Variants in SV2C observed in about 807,000 individuals in gnomAD.
SV2C encodes solute carrier family 22 member B3.
A neutral mutation model predicts 79.7 loss-of-function variants in SV2C; 49 were observed. That is an observed-to-expected ratio of 0.61 (90% CI 0.49 to 0.78). The LOEUF (loss-of-function observed/expected upper bound fraction) is 0.78, where lower values mean the gene tolerates loss of function less well. Among genes scored for constraint, SV2C ranks in the 30% least tolerant of loss-of-function variants. The pLI is 0.00. For synonymous variants in SV2C, 334 were observed against 333.2 expected, an observed-to-expected ratio of 1.00 and a Z score of -0.03; for missense variants, 833 against 912.9, an observed-to-expected ratio of 0.91 and a Z score of 1.13.
At chr5:75,900,963 G>A in the SV2C span, among the ~76,000 whole-genome samples, 1 of 152,020 alleles carries the variant, frequency 6.6e-6, no homozygotes, top group East Asian at 1.9e-4. Context: ...TTTCTGTATT[G>A]GTTATTCTAG....
At chr5:76,088,800 A>T (rs1501904) in intron 1 of SV2C, among the ~76,000 whole-genome samples, 53,410 of 142,380 alleles carry the variant, frequency 0.38, 10,969 homozygotes, top group African/African-American at 0.58. Context: ...CCTTTTTTTT[A>T]AAAAAAAATG....
At chr5:75,887,995 A>G in the SV2C span, among the ~76,000 whole-genome samples, 1 of 152,310 alleles carries the variant, frequency 6.6e-6, no homozygotes, top group South Asian at 2.1e-4. Context: ...TTTACTTCCC[A>G]TTACACATAA....
chr5:75,920,686 T>A, the SV2C span: 1 of 724,562 alleles, frequency 1.4e-6, no homozygotes, highest in Non-Finnish European at 2.6e-6. Flanking sequence ...AGCTCCTTCA[T>A]TCTGTTGAGG....
At chr5:76,309,491 T>A (rs550302982) in intron 12 of SV2C, among the ~76,000 whole-genome samples, 2 of 148,966 alleles carry the variant, frequency 1.3e-5, no homozygotes, top group South Asian at 4.2e-4. Context: ...TCCCAGCCAC[T>A]CGGGAGGCTG....
At chr5:75,984,985 T>G in the SV2C span, among the ~76,000 whole-genome samples, 1 of 151,998 alleles carries the variant, frequency 6.6e-6, no homozygotes, top group Non-Finnish European at 1.5e-5. Context: ...TTTGTGTTGC[T>G]ATAACAGAAT....
the SV2C span, among the ~76,000 whole-genome samples, chr5:75,925,574 C>T: frequency 1.3e-5 from 2 of 152,036 alleles, no homozygotes; most frequent in East Asian, 1.9e-4. Flanking sequence ...ACAGATATGT[C>T]CCAGGGACAT....
the SV2C span, among the ~76,000 whole-genome samples, chr5:76,000,658 C>T: frequency 6.6e-5 from 10 of 152,276 alleles, no homozygotes; most frequent in South Asian, 2.1e-4. Context: ...CAGCTGGTTA[C>T]GTTAGGATTT....
the SV2C span, among the ~76,000 whole-genome samples, chr5:75,884,604 C>G: frequency 1.3e-5 from 2 of 151,898 alleles, no homozygotes; most frequent in African/African-American, 2.4e-5. Context: ...GCAAACTTAA[C>G]TAAATGATGA....
At chr5:76,288,842 A>G (rs1332525148) in intron 6 of SV2C, among the ~76,000 whole-genome samples, 1 of 151,646 alleles carries the variant, frequency 6.6e-6, no homozygotes, top group Non-Finnish European at 1.5e-5. Flanking sequence ...CGGTACAGCA[A>G]AGTTGCATGC....
the SV2C span, among the ~76,000 whole-genome samples, chr5:75,912,844 G>T: frequency 6.6e-6 from 1 of 152,174 alleles, no homozygotes; most frequent in Admixed American, 6.5e-5. Context: ...CCAAAGTAAG[G>T]TACTTTTGCT....
chr5:76,179,271 T>TGAAC (rs1743643422), intron 2 of SV2C, among the ~76,000 whole-genome samples: 1 of 152,210 alleles, frequency 6.6e-6, no homozygotes, highest in African/African-American at 2.4e-5. Context: ...TAAGAATGAA[T>TGAAC]GAACGAATGC....
intron 4 of SV2C, among the ~76,000 whole-genome samples, chr5:76,223,698 C>A (rs947316154): frequency 1.4e-4 from 22 of 151,816 alleles, no homozygotes; most frequent in Admixed American, 3.9e-4. Flanking sequence ...CACCCCCAAC[C>A]CCTTATTACT....
chr5:76,105,270 G>A (rs1013226985), intron 1 of SV2C, among the ~76,000 whole-genome samples: 1 of 152,104 alleles, frequency 6.6e-6, no homozygotes, highest in Non-Finnish European at 1.5e-5. Context: ...CACCACCAAC[G>A]CCTTGATTTC....
the SV2C span, among the ~76,000 whole-genome samples, chr5:76,005,320 G>A: frequency 6.6e-6 from 1 of 152,190 alleles, no homozygotes; most frequent in South Asian, 2.1e-4. Context: ...AAAGACCAAA[G>A]CCTTAAACTG....
intron 2 of SV2C, among the ~76,000 whole-genome samples, chr5:76,159,553 T>C (rs1043849163): frequency 6.6e-6 from 1 of 152,104 alleles, no homozygotes; most frequent in African/African-American, 2.4e-5. Flanking sequence ...GGGAGTCCCT[T>C]TGAGACACTG....
chr5:76,209,833 A>G lies in SV2C; in HGVS notation c.859A>G (p.Met287Val). The change falls in exon 4 of 13, where the codon ATG (methionine) becomes GTG (valine). Residue 287 changes from methionine to valine, a missense_variant. Physicochemically the swap from Met to Val is conservative, Grantham distance 21. Coordinates refer to ENST00000502798, the MANE Select transcript of SV2C (RefSeq NM_014979.4). ...EHLSWLCMFW[M>V]IGGIYASAMA... ...CTTGAGCTGGCTCTGCATGTTCTGG[A>G]TGATCGGTGGCATCTACGCCTCTGC... The G allele has an allele frequency of 2.5e-6, 4 of 1,614,170 alleles. No homozygotes were observed. The highest frequency in any genetic ancestry group is 3.4e-6 in the Non-Finnish European group (4 of 1,180,024).
At chr5:75,977,585 A>G in the SV2C span, among the ~76,000 whole-genome samples, 1 of 152,184 alleles carries the variant, frequency 6.6e-6, no homozygotes, top group Non-Finnish European at 1.5e-5. Flanking sequence ...TGGAGGCTCT[A>G]GTCCATGTGT....
chr5:76,008,215 AGGG>A, the SV2C span, among the ~76,000 whole-genome samples: 2 of 152,280 alleles, frequency 1.3e-5, no homozygotes, highest in South Asian at 4.1e-4. Context: ...TGTCCTCTTC[AGGG>A]GGAAGTCATA....
intron 1 of SV2C, among the ~76,000 whole-genome samples, chr5:76,099,786 A>G (rs1747676858): frequency 2.6e-5 from 4 of 152,212 alleles, no homozygotes. Context: ...TGATCATACC[A>G]GGTTTTCCTT....
Sources: allele counts gnomAD v4.1 joint callset (sites outside exome capture counted in the v4.1 genomes callset), GRCh38; gene constraint gnomAD v4.1.1; transcripts MANE v1.5; gene names NCBI Gene and HGNC (gene_info 2026-07-23, HGNC 2026-07-21).